STXBP5L: variants seen among roughly 807,000 people sequenced by gnomAD.
STXBP5L encodes syntaxin-binding protein 5-like.
In STXBP5L, 65 loss-of-function variants were observed where a neutral mutation model predicts 144.5. That is an observed-to-expected ratio of 0.45 (90% CI 0.37 to 0.55). STXBP5L has a LOEUF of 0.55. Ranked by LOEUF, STXBP5L falls within the 20% of genes least tolerant of loss-of-function variation. The pLI, the probability that STXBP5L is intolerant of heterozygous loss-of-function variation, is 0.00. For missense variants in STXBP5L, 1,298 were observed against 1,405.5 expected (o/e 0.92, Z 1.22); for synonymous variants, 505 against 469.6 (o/e 1.08, Z -0.97).
rs555343530 is a variant in STXBP5L, at chr3:121,210,039, C to T, written c.956+4038C>T. Among the ~76,000 whole-genome samples, 70 of 152,326 alleles carry T rather than the reference C, an allele frequency of 4.6e-4. 1 individual carries two copies. The highest frequency in any genetic ancestry group is 3.4e-3 in the Middle Eastern group (1 of 294). ...CTTCCACAATGGTTGAACTAGTTTACAGTCCCACCAACAGTGTAAAAGTGT... is the reference window on the plus strand; with the variant it reads ...CTTCCACAATGGTTGAACTAGTTTATAGTCCCACCAACAGTGTAAAAGTGT... On this transcript the variant is annotated intron_variant, in intron 10 of 26. Coordinates refer to ENST00000471454, the MANE Select transcript of STXBP5L (RefSeq NM_001308330.2).
At chr3:120,993,843 A>T (rs1437858046) in intron 3 of STXBP5L, among the ~76,000 whole-genome samples, 1 of 151,562 alleles carries the variant, frequency 6.6e-6, no homozygotes, top group African/African-American at 2.4e-5. Flanking sequence ...AATATCATTG[A>T]TTTTTTTAAT....
rs1289249004 is a variant in STXBP5L at position 121,115,959 on chromosome 3, G to A, written c.605+900G>A. 4.6e-5 allele frequency among the ~76,000 whole-genome samples: 7 copies of A among 152,212 alleles called. No individual in the cohort carries two copies. The East Asian group carries it at 1.4e-3, about 29-fold the overall frequency. On this transcript the variant is annotated intron_variant, in intron 6 of 26. Transcript: ENST00000471454. ...TTACAAGAAGAGCCCTAAGGGGATG[G>A]TGCTAAACCATTCAAGAGAAATCCA...
chr3:121,342,643 A>G (rs1268237224), intron 20 of STXBP5L, among the ~76,000 whole-genome samples: 1 of 151,732 alleles, frequency 6.6e-6, no homozygotes, highest in African/African-American at 2.4e-5. Context: ...GATGCTTTCC[A>G]ATTTCATCCA....
chr3:121,387,901 A>G (rs1417257668), intron 22 of STXBP5L, among the ~76,000 whole-genome samples: 1 of 152,086 alleles, frequency 6.6e-6, no homozygotes, highest in South Asian at 2.1e-4. Context: ...TTTTGGTTCC[A>G]TATGAACTTT....
chr3:121,334,987 A>G (rs1415073791), intron 20 of STXBP5L, among the ~76,000 whole-genome samples: 1 of 152,228 alleles, frequency 6.6e-6, no homozygotes, highest in Non-Finnish European at 1.5e-5. Context: ...AATGAAGAGC[A>G]TTCAAACAAG....
chr3:121,245,643 G>A (rs2049824053), intron 14 of STXBP5L, among the ~76,000 whole-genome samples: 1 of 151,990 alleles, frequency 6.6e-6, no homozygotes, highest in Non-Finnish European at 1.5e-5. Context: ...AAGAAAATGA[G>A]ATGAATACAT....
chr3:121,245,939 C>G (rs1162528508), intron 14 of STXBP5L, among the ~76,000 whole-genome samples: 1 of 152,134 alleles, frequency 6.6e-6, no homozygotes, highest in Non-Finnish European at 1.5e-5. Context: ...AACAATTGGG[C>G]CTAACAGACA....
chr3:120,919,916 GTCTC>G (rs1236654925), intron 2 of STXBP5L, among the ~76,000 whole-genome samples: 1 of 151,328 alleles, frequency 6.6e-6, no homozygotes, highest in Non-Finnish European at 1.5e-5. Context: ...TTTGCTCCCT[GTCTC>G]TTTCTTTCTT....
rs575218738 is a variant in STXBP5L, at chr3:121,029,478, A to T, written c.288-12222A>T. ...GGTGTTGGGAAAACTGGCTAGCCAT[A>T]TGCAGAAAAGTGAAACTGGACCCTT... On this transcript the variant is annotated intron_variant, in intron 3 of 26. Coordinates refer to ENST00000471454, the MANE Select transcript of STXBP5L (RefSeq NM_001308330.2). 4.6e-5 allele frequency among the ~76,000 whole-genome samples: 7 copies of T among 152,314 alleles called. 1 individual carries two copies. The highest frequency in any genetic ancestry group is 1.4e-4 in the African/African-American group (6 of 41,584).
intron 2 of STXBP5L, among the ~76,000 whole-genome samples, chr3:120,918,243 A>G (rs916529932): frequency 1.3e-5 from 2 of 152,146 alleles, no homozygotes; most frequent in Admixed American, 6.5e-5. Context: ...TAATCTCCCC[A>G]TTACAAGGTT....
At chr3:121,031,939 A>C (rs1356019627) in intron 3 of STXBP5L, among the ~76,000 whole-genome samples, 9 of 152,146 alleles carry the variant, frequency 5.9e-5, no homozygotes, top group Admixed American at 3.9e-4. Context: ...CTGAGATAGG[A>C]TACAGAAAAA....
chr3:121,415,155 T>C (rs2047203442), intron 24 of STXBP5L, among the ~76,000 whole-genome samples: 1 of 152,142 alleles, frequency 6.6e-6, no homozygotes, highest in African/African-American at 2.4e-5. Context: ...AGTTCCTTTC[T>C]CCACACTGAT....
intron 9 of STXBP5L, among the ~76,000 whole-genome samples, chr3:121,170,312 A>C (rs1054241882): frequency 4.6e-5 from 7 of 152,162 alleles, no homozygotes; most frequent in African/African-American, 7.2e-5. Flanking sequence ...AAACATATTC[A>C]AAAGCTAGCA....
At chr3:121,262,097 G>A (rs538311890) in intron 18 of STXBP5L, among the ~76,000 whole-genome samples, 12 of 152,118 alleles carry the variant, frequency 7.9e-5, no homozygotes, top group African/African-American at 2.2e-4. Flanking sequence ...TCATAATGGC[G>A]GAATCCTCCC....
chr3:120,991,884 C>T (rs1034226302), intron 3 of STXBP5L, among the ~76,000 whole-genome samples: 1 of 152,090 alleles, frequency 6.6e-6, no homozygotes, highest in Non-Finnish European at 1.5e-5. Context: ...ATGGGTGCAG[C>T]ATACCAACAT....
In STXBP5L at chr3:121,082,937, G is replaced by T. The variant is rs538128411; in HGVS notation, c.471-31988G>T. Among the ~76,000 whole-genome samples the T allele has an allele frequency of 5.9e-5, 9 of 152,288 alleles. No individual in the cohort carries two copies. The East Asian group carries it at 1.5e-3, about 26-fold the overall frequency. ...ATTTGGGCTGGGCGTGGTGGCTCAT[G>T]CCTGTAATCCCAGCACTTTGGGAGG... On this transcript the variant is annotated intron_variant, in intron 5 of 26. Coordinates refer to ENST00000471454, the MANE Select transcript of STXBP5L (RefSeq NM_001308330.2).
intron 3 of STXBP5L, among the ~76,000 whole-genome samples, chr3:121,004,092 C>T (rs982329858): frequency 1.3e-5 from 2 of 152,056 alleles, no homozygotes; most frequent in African/African-American, 4.8e-5. Flanking sequence ...TGAAGAAAGT[C>T]ATTGGTAGCT....
intron 23 of STXBP5L, among the ~76,000 whole-genome samples, chr3:121,410,454 C>G (rs544958573): frequency 6.6e-6 from 1 of 152,098 alleles, no homozygotes; most frequent in South Asian, 2.1e-4. Flanking sequence ...GTACTCTGCT[C>G]TATGGTTTAA....
rs771193966 is a variant in STXBP5L, at chr3:120,925,402, A to G, written c.189+15635A>G. ...CTCTTGCTGAATTGACTCCTTTATT[A>G]TTATATAGTGATCTTCTTTGTCTGT... On this transcript the variant is annotated intron_variant, in intron 2 of 26. Coordinates refer to ENST00000471454, the MANE Select transcript of STXBP5L (RefSeq NM_001308330.2). Among the ~76,000 whole-genome samples the G allele has an allele frequency of 3.3e-4, 50 of 152,054 alleles. 1 individual carries two copies. The highest frequency in any genetic ancestry group is 1.2e-4 in the Non-Finnish European group (8 of 68,012).
Sources: allele counts gnomAD v4.1 joint callset (sites outside exome capture counted in the v4.1 genomes callset), GRCh38; gene constraint gnomAD v4.1.1; transcripts MANE v1.5; gene names NCBI Gene and HGNC (gene_info 2026-07-23, HGNC 2026-07-21).